Variants in CNOT10 observed in about 807,000 individuals in gnomAD.
CNOT10 encodes CCR4-NOT transcription complex subunit 10.
In CNOT10, 30 loss-of-function variants were observed where a neutral mutation model predicts 94.6. That is an observed-to-expected ratio of 0.32 (90% confidence interval 0.24 to 0.43). The LOEUF (loss-of-function observed/expected upper bound fraction) is 0.43. Among genes scored for constraint, CNOT10 ranks in the 20% least tolerant of loss-of-function variants. The probability of loss-of-function intolerance (pLI) is 1.00; values close to 1 mark genes in which losing one functional copy is unlikely to be tolerated. For missense variants in CNOT10, 759 were observed against 877.2 expected, an observed-to-expected ratio of 0.87 and a Z score of 1.70; for synonymous variants, 289 against 301.6, an observed-to-expected ratio of 0.96 and a Z score of 0.43.
intron 18 of CNOT10, among the ~76,000 whole-genome samples, chr3:32,772,704 A>C (rs75364690): frequency 0.025 from 3,761 of 152,028 alleles, 79 homozygotes; most frequent in East Asian, 0.11. Flanking sequence ...CTCAAAAAAA[A>C]CCCAATGTTC....
intron 1 of CNOT10, among the ~76,000 whole-genome samples, chr3:32,689,559 A>G (rs774129133): frequency 1.3e-5 from 2 of 152,112 alleles, no homozygotes; most frequent in Non-Finnish European, 2.9e-5. Context: ...GAAAATGTCT[A>G]AAGAACATCA....
intron 10 of CNOT10, among the ~76,000 whole-genome samples, chr3:32,730,381 G>GTT (rs111345684): frequency 1.9e-4 from 29 of 150,560 alleles, no homozygotes; most frequent in Admixed American, 5.3e-4. Context: ...TGCCAGTCCT[G>GTT]TTTTTTTTTC....
At chr3:32,748,196 A>G (rs567036999) in intron 13 of CNOT10, among the ~76,000 whole-genome samples, 96 of 152,292 alleles carry the variant, frequency 6.3e-4, no homozygotes, top group Non-Finnish European at 1.0e-3. Flanking sequence ...GAGCTGCTCT[A>G]AGGTTTTAAG....
intron 10 of CNOT10, among the ~76,000 whole-genome samples, chr3:32,729,625 A>C (rs1698843005): frequency 6.6e-6 from 1 of 152,198 alleles, no homozygotes; most frequent in African/African-American, 2.4e-5. Context: ...TGATTTGAGT[A>C]TACCAACAGA....
At position 32,730,907 on chromosome 3, in the gene CNOT10, AT is replaced by A. The variant is rs1202958709; in HGVS notation, c.1216-2515del. ...GTATGATCCTTTTACCTTAAAACTT[AT>A]CTGGCACACTTTCTGGCTATCGGTG... On this transcript the variant is annotated intron_variant, in intron 10 of 18. Coordinates refer to ENST00000328834, the MANE Select transcript of CNOT10 (RefSeq NM_015442.3). The A allele has an allele frequency of 3.3e-5, 5 of 152,304 alleles. No individual in the cohort carries two copies. The East Asian group carries it at 7.7e-4, about 23-fold the overall frequency. 9.4% of individuals were successfully genotyped at this position (152,304 alleles called of 1,614,324 possible).
intron 1 of CNOT10, chr3:32,695,812 G>T: frequency 6.5e-7 from 1 of 1,535,776 alleles, no homozygotes; most frequent in South Asian, 1.2e-5. Flanking sequence ...GTGGGATTAT[G>T]TGCAGACTCT....
chr3:32,716,502 TA>T (rs1434249531), intron 6 of CNOT10, among the ~76,000 whole-genome samples, 191 bp downstream of exon 6: 1 of 152,210 alleles, frequency 6.6e-6, no homozygotes, highest in African/African-American at 2.4e-5. Flanking sequence ...TAATATAATT[TA>T]TTTAAATTGC....
intron 13 of CNOT10, among the ~76,000 whole-genome samples, chr3:32,757,151 T>G (rs1223369127): frequency 6.9e-6 from 1 of 144,846 alleles, no homozygotes; most frequent in East Asian, 2.1e-4. Flanking sequence ...TAACTGTCAT[T>G]CACATAGGCC....
chr3:32,727,225 A>G (rs1698715856), intron 9 of CNOT10, among the ~76,000 whole-genome samples: 1 of 152,118 alleles, frequency 6.6e-6, no homozygotes, highest in African/African-American at 2.4e-5. Flanking sequence ...TAATCCCAAC[A>G]TTTAGGGGAG....
chr3:32,728,775 C>T (rs866174995), intron 10 of CNOT10, among the ~76,000 whole-genome samples: 4 of 151,910 alleles, frequency 2.6e-5, no homozygotes, highest in South Asian at 4.1e-4. Flanking sequence ...CATCTGCTGG[C>T]GTAAGAATAG....
At chr3:32,754,542 C>T (rs1170973950) in intron 13 of CNOT10, among the ~76,000 whole-genome samples, 4 of 83,318 alleles carry the variant, frequency 4.8e-5, no homozygotes, top group East Asian at 4.4e-4. Context: ...TTTTTTGAGA[C>T]GGAGTCTTGC....
chr3:32,699,153 C>T (rs916854208), intron 1 of CNOT10, among the ~76,000 whole-genome samples: 1 of 152,142 alleles, frequency 6.6e-6, no homozygotes, highest in Non-Finnish European at 1.5e-5. Flanking sequence ...ATCATAAGTG[C>T]ACATACAGTT....
chr3:32,731,521 C>T (rs1442316844), intron 10 of CNOT10, among the ~76,000 whole-genome samples: 2 of 152,122 alleles, frequency 1.3e-5, no homozygotes, highest in Admixed American at 1.3e-4. Flanking sequence ...TTCACTCAGG[C>T]TTGAGTGCAG....
chr3:32,687,965 G>A (rs1696703737), intron 1 of CNOT10, among the ~76,000 whole-genome samples: 1 of 152,126 alleles, frequency 6.6e-6, no homozygotes, highest in South Asian at 2.1e-4. Flanking sequence ...AGCTCACGAG[G>A]TCAGGATATT....
intron 5 of CNOT10, among the ~76,000 whole-genome samples, chr3:32,715,366 A>G (rs541239490): frequency 6.6e-6 from 1 of 152,250 alleles, no homozygotes; most frequent in Non-Finnish European, 1.5e-5. Flanking sequence ...GGCAGAGAAT[A>G]TCACAAAAGG....
intron 18 of CNOT10, among the ~76,000 whole-genome samples, chr3:32,770,793 G>A (rs750631920): frequency 5.3e-5 from 8 of 151,162 alleles, no homozygotes; most frequent in African/African-American, 1.7e-4. Context: ...TGCAACCTCC[G>A]CCTCCCGGGT....
At chr3:32,747,964 C>CA (rs35943950) in intron 13 of CNOT10, among the ~76,000 whole-genome samples, 5,686 of 150,458 alleles carry the variant, frequency 0.038, 173 homozygotes, top group Middle Eastern at 0.079. Context: ...CCCCCACCTC[C>CA]AAAAAAAAAG....
intron 10 of CNOT10, among the ~76,000 whole-genome samples, chr3:32,730,401 T>G (rs1245832759): frequency 6.6e-6 from 1 of 152,060 alleles, no homozygotes; most frequent in Non-Finnish European, 1.5e-5. Context: ...CTAGAAAAGT[T>G]GTAAATTTGT....
chr3:32,689,348 C>T (rs1696756884), intron 1 of CNOT10, among the ~76,000 whole-genome samples: 1 of 138,106 alleles, frequency 7.2e-6, no homozygotes, highest in South Asian at 2.3e-4. Flanking sequence ...AGCAAAACAC[C>T]ATCTCAAAAA....
Sources: allele counts gnomAD v4.1 joint callset (sites outside exome capture counted in the v4.1 genomes callset), GRCh38; gene constraint gnomAD v4.1.1; transcripts MANE v1.5; gene names NCBI Gene and HGNC (gene_info 2026-07-23, HGNC 2026-07-21).